Variants in THEMIS observed in about 807,000 individuals in gnomAD.
The protein encoded by THEMIS is thymocyte selection associated.
Under a neutral mutation model 52.6 loss-of-function variants are expected in THEMIS, and 37 were observed. That is an observed-to-expected ratio of 0.70 (90% CI 0.54 to 0.93). The LOEUF (loss-of-function observed/expected upper bound fraction) is 0.93. THEMIS is among the 40% of genes least tolerant of loss of function. THEMIS has a pLI of 0.00. For missense variants in THEMIS, 808 were observed against 763.1 expected, an observed-to-expected ratio of 1.06 and a Z score of -0.69; for synonymous variants, 292 against 272.7, an observed-to-expected ratio of 1.07 and a Z score of -0.70.
chr6:127,818,750 A>C (rs973187950), intron 3 of THEMIS, among the ~76,000 whole-genome samples: 3 of 152,084 alleles, frequency 2.0e-5, no homozygotes, highest in African/African-American at 7.2e-5. Flanking sequence ...AAAAGGGGAC[A>C]ACATGTAGGG....
chr6:127,904,963 TCTC>T (rs1781232512), upstream of THEMIS, among the ~76,000 whole-genome samples: 2 of 152,080 alleles, frequency 1.3e-5, no homozygotes, highest in Admixed American at 1.3e-4. Flanking sequence ...TCACTCTCTC[TCTC>T]TCTATCTATC....
At chr6:127,802,487 A>C (rs1275228650) in intron 4 of THEMIS, among the ~76,000 whole-genome samples, 1 of 152,224 alleles carries the variant, frequency 6.6e-6, no homozygotes, top group Non-Finnish European at 1.5e-5. Context: ...AGAGGCAAAG[A>C]GGCAATCAGA....
intron 2 of THEMIS, among the ~76,000 whole-genome samples, chr6:127,846,571 C>T (rs565970070): frequency 6.6e-6 from 1 of 151,880 alleles, no homozygotes; most frequent in South Asian, 2.1e-4. Flanking sequence ...GCATACAATC[C>T]TCCTAGATTA....
chr6:127,882,805 C>T (rs1351726574), intron 1 of THEMIS, among the ~76,000 whole-genome samples: 1 of 151,788 alleles, frequency 6.6e-6, no homozygotes, highest in African/African-American at 2.4e-5. Context: ...GAATACAATA[C>T]TGTGATTTTC....
intron 4 of THEMIS, among the ~76,000 whole-genome samples, chr6:127,752,590 C>A (rs1775685255): frequency 6.6e-6 from 1 of 151,176 alleles, no homozygotes; most frequent in Non-Finnish European, 1.5e-5. Flanking sequence ...TATGCTTGCC[C>A]TCCTAGAAAC....
Position 127,824,237 on chromosome 6 carries a change from G to A in THEMIS, c.709+5239C>T, listed in dbSNP as rs74617787. Among the ~76,000 whole-genome samples the A allele has an allele frequency of 3.6e-3, 542 of 152,240 alleles. 4 individuals are homozygous for A. The highest frequency in any genetic ancestry group is 0.013 in the African/African-American group (528 of 41,512). On this transcript the variant is annotated intron_variant, in intron 3 of 5. Coordinates refer to ENST00000368248, the MANE Select transcript of THEMIS (RefSeq NM_001010923.3). ...CGAAACCAGACATAGGTGAGCAGGAGGGAAGCGTGGAACTGAAAGTGAAGG... is the reference window on the plus strand; with the variant it reads ...CGAAACCAGACATAGGTGAGCAGGAAGGAAGCGTGGAACTGAAAGTGAAGG...
chr6:127,789,036 G>T (rs1777070594), intron 4 of THEMIS, among the ~76,000 whole-genome samples: 1 of 152,024 alleles, frequency 6.6e-6, no homozygotes, highest in African/African-American at 2.4e-5. Context: ...GATCAGAGCA[G>T]AACTGAAGAA....
In THEMIS at chr6:127,752,446, T is replaced by A. The variant is rs140732680; in HGVS notation, c.1759-32623A>T. Among the ~76,000 whole-genome samples, 6 of 140,530 alleles carry A rather than the reference T, an allele frequency of 4.3e-5. No homozygotes were observed. The East Asian group carries it at 1.2e-3, about 29-fold the overall frequency. 92.2% of individuals were successfully genotyped at this position (140,530 alleles called of 152,430 possible). A position where few individuals can be genotyped will look rare whatever the true frequency, so the allele number is the denominator to read the frequency against. The stretch of plus-strand genomic sequence containing the variant: ...AAAAGAAGACTCAAATAAAAATAAA[T>A]ATAAATTAAAGAGAGAGCATTACAA... On this transcript the variant is annotated intron_variant, in intron 4 of 5. Coordinates refer to ENST00000368248, the MANE Select transcript of THEMIS (RefSeq NM_001010923.3).
Position 127,829,625 on chromosome 6 carries a change from A to G in THEMIS, c.560T>C (p.Ile187Thr), listed in dbSNP as rs780189320. ...EDERIYTLKE[I>T]VEWKIPKNRT... ...GTTCTTAGGAATCTTCCATTCAACA[A>G]TCTCCTTTAGAGTGTAAATACGTTC... Residue 187 changes from isoleucine to threonine, a missense_variant, in exon 3 of 6, where the codon ATT (isoleucine) becomes ACT (threonine). Ile to Thr is a moderately conservative substitution (Grantham distance 89). Transcript: ENST00000368248. The G allele has an allele frequency of 2.5e-6, 4 of 1,614,108 alleles. No homozygotes were observed. In the Admixed American group the frequency reaches 6.7e-5, roughly 27 times the overall value.
intron 4 of THEMIS, among the ~76,000 whole-genome samples, chr6:127,754,260 T>C (rs528036023): frequency 4.5e-4 from 68 of 152,282 alleles, no homozygotes; most frequent in African/African-American, 1.6e-3. Flanking sequence ...TGTGTCTAGG[T>C]TTCCAGCCTC....
intron 5 of THEMIS, among the ~76,000 whole-genome samples, chr6:127,716,891 T>G (rs1774185003): frequency 6.6e-6 from 1 of 151,914 alleles, no homozygotes; most frequent in South Asian, 2.1e-4. Flanking sequence ...TTTCTTTTAC[T>G]CTGAGGAATC....
At chr6:127,905,477 A>G (rs1781244955), upstream of THEMIS, among the ~76,000 whole-genome samples, 1 of 152,048 alleles carries the variant, frequency 6.6e-6, no homozygotes. Context: ...GTAAACTCTC[A>G]CTAAAAGAAA....
At chr6:127,863,844 A>G (rs1779887278) in intron 1 of THEMIS, among the ~76,000 whole-genome samples, 1 of 152,192 alleles carries the variant, frequency 6.6e-6, no homozygotes. Flanking sequence ...CACTAGCAAT[A>G]TTTGGCTTTG....
At chr6:127,850,321 T>C (rs1779377091) in intron 2 of THEMIS, among the ~76,000 whole-genome samples, 1 of 151,978 alleles carries the variant, frequency 6.6e-6, no homozygotes, top group Non-Finnish European at 1.5e-5. Flanking sequence ...ACAACCACTA[T>C]GGAAAACAGT....
At chr6:127,796,843 G>A (rs147893398) in intron 4 of THEMIS, among the ~76,000 whole-genome samples, 8 of 152,132 alleles carry the variant, frequency 5.3e-5, no homozygotes, top group Non-Finnish European at 8.8e-5. Context: ...GTCTACACAA[G>A]AGCCACCTTG....
chr6:127,910,585 C>T (rs1781387148), intron 1 of THEMIS, among the ~76,000 whole-genome samples: 1 of 152,050 alleles, frequency 6.6e-6, no homozygotes, highest in South Asian at 2.1e-4. Flanking sequence ...GATGACTGTA[C>T]ATTTGAAATG....
At chr6:127,785,874 A>G (rs1034383291) in intron 4 of THEMIS, among the ~76,000 whole-genome samples, 1 of 152,090 alleles carries the variant, frequency 6.6e-6, no homozygotes, top group East Asian at 1.9e-4. Flanking sequence ...TGAATTAGCC[A>G]TTGTAATTAC....
intron 3 of THEMIS, among the ~76,000 whole-genome samples, chr6:127,817,405 C>A (rs1410709345): frequency 6.6e-6 from 1 of 152,158 alleles, no homozygotes; most frequent in Admixed American, 6.6e-5. Context: ...TTATTTAAGA[C>A]ACTTCTCTTA....
rs78371384 is a variant in THEMIS at position 127,860,527 on chromosome 6, G to A, written c.92-5339C>T. Reference sequence around the variant, plus strand: ...TATAGGATTTTTCTCGTGAATTGGGGGTTTAAGTATTATCCAGGAAGTCAA... The same window carrying A: ...TATAGGATTTTTCTCGTGAATTGGGAGTTTAAGTATTATCCAGGAAGTCAA... On this transcript the variant is annotated intron_variant, in intron 1 of 5. Coordinates refer to ENST00000368248, the MANE Select transcript of THEMIS (RefSeq NM_001010923.3). Among the ~76,000 whole-genome samples, 1,362 of 152,136 alleles carry A rather than the reference G, an allele frequency of 9.0e-3. 9 individuals carry two copies. Among genetic ancestry groups the A allele is most frequent in the Middle Eastern group, 0.014 (4 of 292 alleles).
Sources: allele counts gnomAD v4.1 joint callset (sites outside exome capture counted in the v4.1 genomes callset), GRCh38; gene constraint gnomAD v4.1.1; transcripts MANE v1.5; gene names NCBI Gene and HGNC (gene_info 2026-07-23, HGNC 2026-07-21).